BNC2: variants seen among roughly 807,000 people sequenced by gnomAD.
The protein encoded by BNC2 is zinc finger protein basonuclin-2.
Under a neutral mutation model 76.3 loss-of-function variants are expected in BNC2, and 20 were observed. The observed-to-expected ratio is 0.26, with a 90% CI of 0.18 to 0.38. BNC2 has a LOEUF of 0.38. BNC2 is among the 10% of genes least tolerant of loss of function. The pLI is 1.00. For synonymous variants in BNC2, 582 were observed against 514.8 expected (o/e 1.13, Z -1.77); for missense variants, 1,382 against 1,399.8 (o/e 0.99, Z 0.20).
intron 5 of BNC2, among the ~76,000 whole-genome samples, chr9:16,458,704 A>G (rs149351557): frequency 6.6e-6 from 1 of 152,384 alleles, no homozygotes; most frequent in Non-Finnish European, 1.5e-5. Flanking sequence ...ATAAATATGT[A>G]TTACAGAAAG....
In BNC2 at chr9:16,411,697, GCA is replaced by G. The variant is rs1230400035; in HGVS notation, c.*7290_*7291del. ...CCACACTGGTTCATGAAATTATTTA[GCA>G]CAGATTTGTCAACATAGACCTGTTA... On this transcript the variant is annotated 3_prime_UTR_variant, in exon 7 of 7. Coordinates refer to ENST00000380672, the MANE Select transcript of BNC2 (RefSeq NM_017637.6). The G allele has an allele frequency of 2.0e-5, 3 of 152,580 alleles. No individual in the cohort carries two copies. The highest frequency in any genetic ancestry group is 2.0e-4 in the Admixed American group (3 of 15,272). The allele number at this position is 152,580 out of a possible 1,614,324, so 9.5% of individuals were successfully genotyped here.
At chr9:16,695,848 C>T (rs562943543) in intron 3 of BNC2, among the ~76,000 whole-genome samples, 1 of 112,466 alleles carries the variant, frequency 8.9e-6, no homozygotes, top group Admixed American at 9.2e-5. Context: ...GTCCAGTTAA[C>T]ATCTCGAGCT....
At chr9:16,578,048 T>G (rs1056317694) in intron 4 of BNC2, among the ~76,000 whole-genome samples, 6 of 152,170 alleles carry the variant, frequency 3.9e-5, no homozygotes, top group African/African-American at 9.6e-5. Flanking sequence ...AAAATTTTTT[T>G]TTGTTTTTTT....
intron 6 of BNC2, among the ~76,000 whole-genome samples, chr9:16,427,995 G>T (rs1160298951): frequency 6.6e-6 from 1 of 152,018 alleles, no homozygotes; most frequent in Non-Finnish European, 1.5e-5. Flanking sequence ...ATTTTTTATG[G>T]TACTGTCATA....
intron 1 of BNC2, among the ~76,000 whole-genome samples, chr9:16,778,316 G>A (rs1028669957): frequency 2.0e-5 from 3 of 152,194 alleles, no homozygotes; most frequent in Non-Finnish European, 2.9e-5. Flanking sequence ...CTGCCTGGCA[G>A]AGGTATTAGA....
chr9:16,672,140 T>C (rs1327719931), intron 3 of BNC2, among the ~76,000 whole-genome samples: 1 of 152,200 alleles, frequency 6.6e-6, no homozygotes, highest in Non-Finnish European at 1.5e-5. Flanking sequence ...GGGGCACTCC[T>C]ATGAAGATGA....
chr9:16,753,384 TA>T (rs1825278865), intron 1 of BNC2, among the ~76,000 whole-genome samples: 1 of 152,196 alleles, frequency 6.6e-6, no homozygotes, highest in African/African-American at 2.4e-5. Context: ...GCCTAACTTT[TA>T]AAAGTATGCA....
At chr9:16,808,014 G>T (rs1049884189) in intron 1 of BNC2, among the ~76,000 whole-genome samples, 1 of 152,054 alleles carries the variant, frequency 6.6e-6, no homozygotes, top group Non-Finnish European at 1.5e-5. Context: ...TGTAAAATAA[G>T]AATAATAATA....
chr9:16,692,580 C>G (rs2134439072), intron 3 of BNC2, among the ~76,000 whole-genome samples: 1 of 152,258 alleles, frequency 6.6e-6, no homozygotes, highest in Non-Finnish European at 1.5e-5. Context: ...ACAAAAGCAG[C>G]ACCACAGCAT....
At chr9:16,641,540 C>T (rs1423462988) in intron 3 of BNC2, among the ~76,000 whole-genome samples, 1 of 152,136 alleles carries the variant, frequency 6.6e-6, no homozygotes, top group Non-Finnish European at 1.5e-5. Flanking sequence ...GTCTAATTTG[C>T]TAGACTGTTT....
intron 4 of BNC2, among the ~76,000 whole-genome samples, chr9:16,574,553 C>T (rs1819427920): frequency 6.6e-6 from 1 of 152,088 alleles, no homozygotes; most frequent in South Asian, 2.1e-4. Context: ...AACAATTTCA[C>T]CTACGGAACA....
intron 1 of BNC2, among the ~76,000 whole-genome samples, chr9:16,757,516 G>A (rs1051666350): frequency 6.6e-6 from 1 of 152,120 alleles, no homozygotes; most frequent in East Asian, 1.9e-4. Context: ...AGAAATATCT[G>A]TCAAAAGTTT....
intron 1 of BNC2, among the ~76,000 whole-genome samples, chr9:16,771,839 C>T (rs558151913): frequency 6.6e-5 from 10 of 152,306 alleles, no homozygotes; most frequent in Admixed American, 4.6e-4. Context: ...CCCTCACAAC[C>T]CTAATCCTCT....
intron 5 of BNC2, among the ~76,000 whole-genome samples, chr9:16,494,479 A>G (rs1483282091): frequency 6.6e-6 from 1 of 152,104 alleles, no homozygotes; most frequent in African/African-American, 2.4e-5. Context: ...AAGAAAAGAC[A>G]AAGTGGAGAA....
intron 5 of BNC2, among the ~76,000 whole-genome samples, chr9:16,529,224 T>C (rs910781719): frequency 3.9e-5 from 6 of 152,180 alleles, no homozygotes; most frequent in Admixed American, 2.0e-4. Flanking sequence ...TAAGGTACCA[T>C]TCACAGGCTC....
chr9:16,861,003 G>A (rs940392144), intron 1 of BNC2, among the ~76,000 whole-genome samples: 25 of 150,118 alleles, frequency 1.7e-4, no homozygotes, highest in African/African-American at 5.2e-4. Context: ...CTGAGATCAC[G>A]CCACTGCCTG....
intron 1 of BNC2, among the ~76,000 whole-genome samples, chr9:16,857,334 G>A (rs913581732): frequency 3.3e-5 from 5 of 151,774 alleles, no homozygotes; most frequent in South Asian, 2.1e-4. Flanking sequence ...AAAATTAGCC[G>A]GGCGGGTTGG....
chr9:16,499,178 A>G (rs1486518853), intron 5 of BNC2, among the ~76,000 whole-genome samples: 2 of 149,108 alleles, frequency 1.3e-5, no homozygotes, highest in African/African-American at 5.1e-5. Context: ...TATATAAATA[A>G]GAATTAAATC....
intron 3 of BNC2, among the ~76,000 whole-genome samples, chr9:16,660,230 G>A (rs146173836): frequency 0.019 from 2,921 of 152,244 alleles, 107 homozygotes; most frequent in African/African-American, 0.066. Flanking sequence ...CGAGTCGGGC[G>A]GATCACCTGA....
Sources: gnomAD v4.1 joint callset for allele counts (sites outside exome capture counted in the v4.1 genomes callset) on GRCh38, gnomAD v4.1.1 for gene constraint, MANE v1.5 for transcripts, NCBI Gene and HGNC (gene_info 2026-07-23, HGNC 2026-07-21) for gene names.